COL17A1: variants seen among roughly 807,000 people sequenced by gnomAD.
The protein encoded by COL17A1 is collagen type XVII alpha 1 chain.
In COL17A1, 181 loss-of-function variants were observed where a neutral mutation model predicts 218.4. That is an observed-to-expected ratio of 0.83 (90% CI 0.73 to 0.94). COL17A1 has a LOEUF of 0.94. Ranked by LOEUF, COL17A1 falls within the 40% of genes least tolerant of loss-of-function variation. The probability of loss-of-function intolerance (pLI) is 0.00; values close to 1 mark genes in which losing one functional copy is unlikely to be tolerated. For synonymous variants in COL17A1, 721 were observed against 731.0 expected, an observed-to-expected ratio of 0.99 and a Z score of 0.22; for missense variants, 1,924 against 1,945.9, an observed-to-expected ratio of 0.99 and a Z score of 0.21.
intron 38 of COL17A1, 76 bp from the exon 39 acceptor site, chr10:104,041,194 G>A: frequency 5.0e-6 from 8 of 1,608,684 alleles, no homozygotes; most frequent in African/African-American, 1.3e-5. Context: ...GGAGGCAGCA[G>A]GGAAGCTCTT....
At chr10:104,041,681 A>G (rs1176531046) in intron 36 of COL17A1, 143 bp from the exon 37 acceptor site, 1 of 706,232 alleles carries the variant, frequency 1.4e-6, no homozygotes, top group Non-Finnish European at 2.5e-6. Context: ...GTCATGGCAC[A>G]AGAGCCTGCA....
Position 104,063,454 on chromosome 10 carries a change from T to G in COL17A1, c.838+293A>C, listed in dbSNP as rs12263531. ...TAACAATGCCTTTACCCTGAAAATG[T>G]CCTACACGATGATTCCGTTAGACCC... On this transcript the variant is annotated intron_variant, in intron 11 of 55. Transcript: ENST00000648076. 9,506 of 437,060 alleles carry G rather than the reference T, an allele frequency of 0.022. 697 individuals are homozygous for G. The highest frequency in any genetic ancestry group is 0.17 in the African/African-American group (8,252 of 49,956). The allele number at this position is 437,060 out of a possible 1,614,324, so 27.1% of individuals were successfully genotyped here. A position where few individuals can be genotyped will look rare whatever the true frequency, so the allele number is the denominator to read the frequency against.
intron 48 of COL17A1, among the ~76,000 whole-genome samples, chr10:104,036,200 A>T (rs1290434046): frequency 2.4e-5 from 1 of 41,410 alleles, no homozygotes; most frequent in African/African-American, 1.0e-4. Context: ...GTGTGTGTGT[A>T]TGGGAGTGTG....
At chr10:104,044,027 GCC>G (rs2086386481) in intron 33 of COL17A1, among the ~76,000 whole-genome samples, 167 bp from the exon 34 acceptor site, 1 of 152,226 alleles carries the variant, frequency 6.6e-6, no homozygotes, top group South Asian at 2.1e-4. Context: ...GATGCATTAA[GCC>G]CCAATCTTTC....
chr10:104,070,566 G>C lies in COL17A1; in HGVS notation c.467C>G (p.Thr156Arg), dbSNP rs1276424831. The C allele has an allele frequency of 6.2e-7, 1 of 1,614,168 alleles. No homozygotes were observed. ...LQSASPSTRW[T>R]ELDDVKRLLK... Reference sequence around the variant, plus strand: ...CAAACGCTTAACATCATCCAATTCTGTCCCTGTGAAAGAATCCACAGACGT... The same window carrying C: ...CAAACGCTTAACATCATCCAATTCTCTCCCTGTGAAAGAATCCACAGACGT... The change falls in exon 9 of 56, where the codon ACA becomes AGA. Residue 156 changes from threonine to arginine, a missense_variant. Coordinates refer to ENST00000648076, the MANE Select transcript of COL17A1 (RefSeq NM_000494.4).
chr10:104,074,381 A>C (rs1413075262), intron 5 of COL17A1, 150 bp from the exon 6 acceptor site: 4 of 1,177,208 alleles, frequency 3.4e-6, no homozygotes, highest in Non-Finnish European at 5.0e-6. Context: ...CATGCATGTC[A>C]AAGGAGCCAG....
chr10:104,050,029 T>C (rs773151632), intron 28 of COL17A1, 60 bp downstream of exon 28: 164 of 1,612,982 alleles, frequency 1.0e-4, no homozygotes, highest in Non-Finnish European at 1.4e-4. Flanking sequence ...TCCAACCTAG[T>C]GACTGATGGA....
At chr10:104,043,130 G>A (rs2086376562) in intron 35 of COL17A1, among the ~76,000 whole-genome samples, 1 of 152,152 alleles carries the variant, frequency 6.6e-6, no homozygotes, top group Non-Finnish European at 1.5e-5. Context: ...TTTTCCAGGA[G>A]GAAACAAAGG....
chr10:104,055,645 T>C, intron 18 of COL17A1, 137 bp downstream of exon 18: 1 of 1,275,614 alleles, frequency 7.8e-7, no homozygotes, highest in East Asian at 2.5e-5. Flanking sequence ...CTCTCAGCGC[T>C]ATTGAGAGGA....
rs529523219 is a variant in COL17A1, at chr10:104,080,967, A to G, written c.-11-283T>C. ...CTGCTGAGCATCAAGAGGCTTACAT[A>G]GCAGATCAGGTGTCCTGACCTTTGT... On this transcript the variant is annotated intron_variant, in intron 1 of 55. Coordinates refer to ENST00000648076, the MANE Select transcript of COL17A1 (RefSeq NM_000494.4). Among the ~76,000 whole-genome samples, 289 of 152,356 alleles carry G rather than the reference A, an allele frequency of 1.9e-3. 1 individual carries two copies. Among genetic ancestry groups the G allele is most frequent in the Non-Finnish European group, 3.7e-3 (249 of 68,036 alleles).
Position 104,053,943 on chromosome 10 carries a change from G to T in COL17A1, c.1811C>A (p.Pro604Gln), listed in dbSNP as rs200866254. ...ACCCACGCTGCCTTTTTGACCCTTT[G>T]GTCCTTGTGGACCTGGGTGGCCCAA... ...GPLGHPGPQG[P>Q]KGQKGSVGDP... is the part of the protein sequence containing the mutation. The change falls in exon 22 of 56, where the codon CCA becomes CAA. Residue 604 changes from proline to glutamine, a missense_variant. By Grantham distance (76) the Pro-to-Gln change is moderately conservative. Transcript: ENST00000648076. The T allele has an allele frequency of 1.7e-4, 277 of 1,604,678 alleles. No individual in the cohort carries two copies. Among genetic ancestry groups the T allele is most frequent in the Admixed American group, 3.2e-4 (19 of 59,996 alleles).
At position 104,047,434 on chromosome 10, in the gene COL17A1, G is replaced by T. The variant is rs542188636; in HGVS notation, c.2335+305C>A. On this transcript the variant is annotated intron_variant, in intron 31 of 55. Coordinates refer to ENST00000648076, the MANE Select transcript of COL17A1 (RefSeq NM_000494.4). ...TTTCTAGAAATCCTTATGTTTAGCT[G>T]TTAATCCCACTCTTCTGAATTGCCA... Among the ~76,000 whole-genome samples, 20 of 152,206 alleles carry T rather than the reference G, an allele frequency of 1.3e-4. No individual in the cohort carries two copies. The South Asian group carries it at 4.2e-3, about 32-fold the overall frequency.
rs1427999953 is a variant in COL17A1, at chr10:104,059,610, G to A, written c.1222+28C>T. On this transcript the variant is annotated intron_variant, in intron 15 of 55. Coordinates refer to ENST00000648076, the MANE Select transcript of COL17A1 (RefSeq NM_000494.4). ...TGAAATGTGGCCTGGCTGAAGTCAA[G>A]GTGGACAACAATCATATTTGTTCTT... 3.1e-6 allele frequency: 5 copies of A among 1,599,666 alleles called. No homozygotes were observed. The Admixed American group carries it at 5.0e-5, about 16-fold the overall frequency.
At position 104,034,046 on chromosome 10, in the gene COL17A1, T is replaced by A. The variant is rs2086243983; in HGVS notation, c.4055A>T (p.Glu1352Val). The change falls in exon 52 of 56, where the codon GAA (glutamate) becomes GTA (valine). Residue 1352 changes from glutamate to valine, a missense_variant. Coordinates refer to ENST00000648076, the MANE Select transcript of COL17A1 (RefSeq NM_000494.4). ...GPGGGYGAAA[E>V]GGMYAGNGGL... Reference sequence around the variant, plus strand: ...GCCATTGCCAGCATACATGCCGCCTTCTGCTGCTGCCCCATAGCCTCCGCC... The same window carrying A: ...GCCATTGCCAGCATACATGCCGCCTACTGCTGCTGCCCCATAGCCTCCGCC... 1 of 1,614,130 alleles carries A rather than the reference T, an allele frequency of 6.2e-7. No homozygotes were observed. Among genetic ancestry groups the A allele is most frequent in the Non-Finnish European group, 8.5e-7 (1 of 1,180,030 alleles).
intron 9 of COL17A1, among the ~76,000 whole-genome samples, chr10:104,068,931 G>A (rs1712920534): frequency 6.6e-6 from 1 of 152,182 alleles, no homozygotes; most frequent in Non-Finnish European, 1.5e-5. Context: ...TGATGGGAGA[G>A]AAATGATAAG....
intron 27 of COL17A1, among the ~76,000 whole-genome samples, 167 bp downstream of exon 27, chr10:104,050,454 C>T (rs1266010718): frequency 1.3e-5 from 2 of 152,116 alleles, no homozygotes; most frequent in East Asian, 1.9e-4. Flanking sequence ...GATGTTAGTG[C>T]TTTGTTTCCC....
chr10:104,032,543 T>C, intron 55 of COL17A1, 131 bp downstream of exon 55: 1 of 983,722 alleles, frequency 1.0e-6, no homozygotes, highest in Non-Finnish European at 1.6e-6. Flanking sequence ...CTTTTGGCAG[T>C]GTCTGCCTGG....
At position 104,062,249 on chromosome 10, in the gene COL17A1, C is replaced by G. The variant is rs375715176; in HGVS notation, c.910+9G>C. On this transcript the variant is annotated intron_variant, in intron 12 of 55. Coordinates refer to ENST00000648076, the MANE Select transcript of COL17A1 (RefSeq NM_000494.4). ...TCCAGCGCCTAAGCTCCAACCCTAGCCTACTGACCTGTGGAAGTGGTGGTG... is the reference window on the plus strand; with the variant it reads ...TCCAGCGCCTAAGCTCCAACCCTAGGCTACTGACCTGTGGAAGTGGTGGTG... The G allele has an allele frequency of 1.7e-5, 27 of 1,614,186 alleles. No homozygotes were observed. The African/African-American group carries it at 3.1e-4, about 18-fold the overall frequency.
At position 104,034,657 on chromosome 10, in the gene COL17A1, C is replaced by G. The variant is rs200313424; in HGVS notation, c.3730G>C (p.Asp1244His). 4 of 1,610,150 alleles carry G rather than the reference C, an allele frequency of 2.5e-6. No homozygotes were observed. Among genetic ancestry groups the G allele is most frequent in the Non-Finnish European group, 3.4e-6 (4 of 1,178,544 alleles). The change falls in exon 51 of 56, where the codon GAC becomes CAC. Residue 1244 changes from aspartate to histidine, a missense_variant. Transcript: ENST00000648076. ...CTGATCAGCTCGCTCCGGAAGCTGT[C>G]GCTGTTTTCAGCTGCATAGGTTGCC... ...ALATYAAENSDSFRSELISYL... is the reference protein window; with the variant it reads ...ALATYAAENSHSFRSELISYL...
Sources: allele counts gnomAD v4.1 joint callset (sites outside exome capture counted in the v4.1 genomes callset), GRCh38; gene constraint gnomAD v4.1.1; transcripts MANE v1.5; gene names NCBI Gene and HGNC (gene_info 2026-07-23, HGNC 2026-07-21).